Variants in CFAP36 observed in about 807,000 individuals in gnomAD.
CFAP36 encodes cilia and flagella associated protein 36.
In CFAP36, 37 loss-of-function variants were observed where a neutral mutation model predicts 50.5. That is an observed-to-expected ratio of 0.73 (90% CI 0.56 to 0.96). The LOEUF (loss-of-function observed/expected upper bound fraction) is 0.96. Among genes scored for constraint, CFAP36 ranks in the 50% least tolerant of loss-of-function variants. The pLI is 0.00. For missense variants in CFAP36, 407 were observed against 396.2 expected (o/e 1.03, Z -0.23); for synonymous variants, 138 against 128.2 (o/e 1.08, Z -0.52).
chr2:55,522,686 G>T (rs542150359), intron 2 of CFAP36, among the ~76,000 whole-genome samples: 1 of 152,146 alleles, frequency 6.6e-6, no homozygotes, highest in African/African-American at 2.4e-5. Flanking sequence ...GCGTTTCTCT[G>T]TGTTTCCCAG....
rs1240856423 is a variant in CFAP36 at position 55,519,898 on chromosome 2, G to C, written c.97G>C (p.Val33Leu). The C allele has an allele frequency of 1.2e-6, 2 of 1,614,094 alleles. No homozygotes were observed. The highest frequency in any genetic ancestry group is 2.2e-5 in the East Asian group (1 of 44,900). The change falls in exon 1 of 10, where the codon GTG becomes CTG. Residue 33 changes from valine (V) to leucine (L), a missense_variant. Coordinates refer to ENST00000349456, the MANE Select transcript of CFAP36 (RefSeq NM_080667.7). ...CTGGTCCATCCCCATCTTGGACTTT[G>C]TGGAACAGAAATGTGAAGGTAAAAA... is the stretch of plus-strand genomic sequence containing the variant. Reference protein sequence around the residue: ...PDWSIPILDFVEQKCEVFDDE... With the variant: ...PDWSIPILDFLEQKCEVFDDE...
rs1256312462 is a variant in CFAP36, at chr2:55,529,024, A to G, written c.397+32A>G. ...TGTTGAAGTTAGAAATCTAAGTACT[A>G]AATGCATTTTTTTTTACAGTTTTGA... On this transcript the variant is annotated intron_variant, in intron 4 of 9. Transcript: ENST00000349456. The G allele has an allele frequency of 6.1e-6, 9 of 1,464,348 alleles. No homozygotes were observed. In the South Asian group the frequency reaches 1.1e-4, roughly 18 times the overall value. 90.7% of individuals were successfully genotyped at this position (1,464,348 alleles called of 1,614,324 possible).
chr2:55,535,487 T>C (rs933720568), intron 5 of CFAP36, among the ~76,000 whole-genome samples: 1 of 152,222 alleles, frequency 6.6e-6, no homozygotes, highest in African/African-American at 2.4e-5. Flanking sequence ...CTAGAAGAAA[T>C]GGGTAGACCT....
intron 7 of CFAP36, chr2:55,538,855 A>T: frequency 6.6e-7 from 1 of 1,521,078 alleles, no homozygotes; most frequent in Non-Finnish European, 8.8e-7. Context: ...CACTAAATAT[A>T]TTCTTCTAAA....
chr2:55,539,591 C>T (rs141787026), intron 7 of CFAP36: 3 of 152,296 alleles, frequency 2.0e-5, no homozygotes, highest in African/African-American at 7.2e-5. Flanking sequence ...CATCAGTGTG[C>T]AGGTTTTTGT....
chr2:55,542,472 C>T (rs1160698628), intron 7 of CFAP36, among the ~76,000 whole-genome samples: 1 of 152,158 alleles, frequency 6.6e-6, no homozygotes, highest in African/African-American at 2.4e-5. Flanking sequence ...CTCATTCCTG[C>T]CAGCAATGGA....
intron 6 of CFAP36, 44 bp downstream of exon 6, chr2:55,535,807 TC>T (rs1199003447): frequency 1.3e-6 from 2 of 1,533,062 alleles, no homozygotes; most frequent in Non-Finnish European, 1.7e-6. Flanking sequence ...TGCTGTTATC[TC>T]TTATTAAGTT....
chr2:55,543,700 T>C (rs757002950), intron 7 of CFAP36, among the ~76,000 whole-genome samples: 11 of 152,180 alleles, frequency 7.2e-5, no homozygotes, highest in Non-Finnish European at 1.5e-4. Context: ...AGCAGAAGCA[T>C]GGTACTTGTT....
At chr2:55,536,228 G>C (rs1204079771) in intron 6 of CFAP36, among the ~76,000 whole-genome samples, 2 of 151,662 alleles carry the variant, frequency 1.3e-5, no homozygotes, top group Non-Finnish European at 2.9e-5. Context: ...TGCCTCCGGG[G>C]TTCAAGCGAT....
chr2:55,520,795 G>C (rs79368719), intron 1 of CFAP36, among the ~76,000 whole-genome samples: 97 of 152,302 alleles, frequency 6.4e-4, no homozygotes, highest in African/African-American at 1.9e-3. Context: ...TTGTAAGGTT[G>C]AGTAGAATAG....
At chr2:55,536,048 T>A (rs1230431064) in intron 6 of CFAP36, 1 of 461,958 alleles carries the variant, frequency 2.2e-6, no homozygotes, top group Non-Finnish European at 3.4e-6. Context: ...AGTAGTCATT[T>A]TTTTTGGCAA....
chr2:55,540,165 G>T (rs190289639), intron 7 of CFAP36, among the ~76,000 whole-genome samples: 1 of 152,086 alleles, frequency 6.6e-6, no homozygotes, highest in African/African-American at 2.4e-5. Flanking sequence ...GTCTTTCATA[G>T]GGTGTGCCTT....
At chr2:55,525,613 A>G (rs575629148) in intron 3 of CFAP36, among the ~76,000 whole-genome samples, 2 of 150,364 alleles carry the variant, frequency 1.3e-5, no homozygotes, top group African/African-American at 4.9e-5. Context: ...TTCTACTGCC[A>G]TTCCAGGTAA....
intron 6 of CFAP36, 199 bp downstream of exon 6, chr2:55,535,962 C>G: frequency 9.2e-7 from 1 of 1,087,410 alleles, no homozygotes; most frequent in Non-Finnish European, 1.2e-6. Flanking sequence ...TTATATAGTA[C>G]TATATATACT....
Position 55,523,724 on chromosome 2 carries a change from G to T in CFAP36, c.184G>T (p.Glu62Ter). The T allele has an allele frequency of 6.3e-7, 1 of 1,586,048 alleles. No individual in the cohort carries two copies. The highest frequency in any genetic ancestry group is 8.6e-7 in the Non-Finnish European group (1 of 1,163,680). Residue 62 changes from glutamate (E) to a stop codon, truncating the protein, a stop_gained, in exon 3 of 10, where the codon GAA becomes TAA. Coordinates refer to ENST00000349456, the MANE Select transcript of CFAP36 (RefSeq NM_080667.7). LOFTEE classifies it high-confidence loss of function. ...EIHQEYKELV[E>*]KLLEGYLKEI... ...AAGTTAAACTTTGTTTTTTTAGGTT[G>T]AAAAGCTGTTAGAAGGTTACCTCAA... is the stretch of plus-strand genomic sequence containing the variant.
intron 2 of CFAP36, among the ~76,000 whole-genome samples, chr2:55,522,493 T>G (rs907872628): frequency 3.3e-5 from 5 of 152,214 alleles, no homozygotes; most frequent in Admixed American, 6.5e-5. Context: ...TTTTTTTATT[T>G]TTTATTTTTG....
At chr2:55,528,811 G>A (rs1337087475) in intron 3 of CFAP36, 67 bp from the exon 4 acceptor site, 3 of 868,636 alleles carry the variant, frequency 3.5e-6, no homozygotes, top group Non-Finnish European at 5.5e-6. Flanking sequence ...CAGTAGAAAT[G>A]GTTCGAATGT....
Position 55,540,073 on chromosome 2 carries a change from C to T in CFAP36, c.640+2488C>T, listed in dbSNP as rs185817506. 9.4e-3 allele frequency among the ~76,000 whole-genome samples: 1,427 copies of T among 152,146 alleles called. 16 individuals carry two copies. The highest frequency in any genetic ancestry group is 0.015 in the South Asian group (70 of 4,822). ...TGTGTCTTCTGAAAATATTTTCTTC[C>T]AGTCTGTGGCTTGTCTTCTCATCCT... On this transcript the variant is annotated intron_variant, in intron 7 of 9. Coordinates refer to ENST00000349456, the MANE Select transcript of CFAP36 (RefSeq NM_080667.7).
intron 7 of CFAP36, 148 bp from the exon 8 acceptor site, chr2:55,543,790 C>G (rs1574628508): frequency 3.8e-5 from 29 of 765,058 alleles, no homozygotes; most frequent in Admixed American, 2.4e-5. Context: ...CAGTGGCTGG[C>G]ACAGTATAGG....
Sources: gnomAD v4.1 joint callset for allele counts (sites outside exome capture counted in the v4.1 genomes callset) on GRCh38, gnomAD v4.1.1 for gene constraint, MANE v1.5 for transcripts, NCBI Gene and HGNC (gene_info 2026-07-23, HGNC 2026-07-21) for gene names.